Variants in KMT2E observed in about 807,000 individuals in gnomAD.
The protein encoded by KMT2E is lysine methyltransferase 2E (inactive), also known as histone reader KMT2E.
Under a neutral mutation model 184.6 loss-of-function variants are expected in KMT2E, and 30 were observed. That is an observed-to-expected ratio of 0.16 (90% CI 0.12 to 0.22). The LOEUF (loss-of-function observed/expected upper bound fraction) is 0.22, where lower values mean the gene tolerates loss of function less well. Ranked by LOEUF, KMT2E falls within the 10% of genes least tolerant of loss-of-function variation. The pLI, the probability that KMT2E is intolerant of heterozygous loss-of-function variation, is 1.00. For synonymous variants in KMT2E, 815 were observed against 776.5 expected (o/e 1.05, Z -0.82); for missense variants, 2,023 against 2,237.4 (o/e 0.90, Z 1.93).
chr7:105,083,512 C>T (rs1797840024), intron 13 of KMT2E, among the ~76,000 whole-genome samples: 1 of 152,168 alleles, frequency 6.6e-6, no homozygotes, highest in Admixed American at 6.5e-5. Context: ...GGTTCTCCTC[C>T]AGGTTTTCTT....
At chr7:105,015,989 G>T (rs997181526) in intron 1 of KMT2E, among the ~76,000 whole-genome samples, 2 of 151,340 alleles carry the variant, frequency 1.3e-5, no homozygotes, top group African/African-American at 4.9e-5. Context: ...AATTATTTGG[G>T]TACCAATAAT....
At chr7:105,028,049 T>C (rs1321315556) in intron 1 of KMT2E, among the ~76,000 whole-genome samples, 1 of 150,614 alleles carries the variant, frequency 6.6e-6, no homozygotes, top group Non-Finnish European at 1.5e-5. Context: ...AATTTTTGTA[T>C]ATTCTAAGAG....
At chr7:105,026,514 C>G (rs918367093) in intron 1 of KMT2E, among the ~76,000 whole-genome samples, 3 of 152,212 alleles carry the variant, frequency 2.0e-5, no homozygotes, top group Admixed American at 2.0e-4. Flanking sequence ...CTTGCACATA[C>G]TGCTTCCTAA....
intron 13 of KMT2E, 129 bp from the exon 14 acceptor site, chr7:105,089,880 C>G: frequency 7.5e-7 from 1 of 1,335,274 alleles, no homozygotes; most frequent in Non-Finnish European, 1.0e-6. Context: ...ATGTAAATTA[C>G]TAAAAAGGAT....
At position 105,090,261 on chromosome 7, in the gene KMT2E, A is replaced by G. The variant is rs1160810717; in HGVS notation, c.1611A>G (p.Val537=). 1 of 1,588,492 alleles carries G rather than the reference A, an allele frequency of 6.3e-7. No individual in the cohort carries two copies. The highest frequency in any genetic ancestry group is 1.4e-5 in the African/African-American group (1 of 72,888). ...QRKLSPLRLS[V]SNNQEPDFID... is the part of the protein sequence containing the mutation. ...AGCTTTCTCCACTGAGACTATCAGTATCAAATAATCAGGTACTGAACTCTG... is the reference window on the plus strand; with the variant it reads ...AGCTTTCTCCACTGAGACTATCAGTGTCAAATAATCAGGTACTGAACTCTG... The change falls in exon 14 of 27, where the codon GTA becomes GTG. Residue 537 remains valine (V), a synonymous_variant. Coordinates refer to ENST00000311117, the MANE Select transcript of KMT2E (RefSeq NM_182931.3).
chr7:105,052,360 T>C (rs1354058328), intron 3 of KMT2E, among the ~76,000 whole-genome samples: 3 of 152,190 alleles, frequency 2.0e-5, no homozygotes, highest in African/African-American at 7.2e-5. Flanking sequence ...TTATCTAAAA[T>C]AGTATCTGAA....
At chr7:105,088,442 TTC>T (rs1173293782) in intron 13 of KMT2E, among the ~76,000 whole-genome samples, 1 of 152,256 alleles carries the variant, frequency 6.6e-6, no homozygotes, top group East Asian at 1.9e-4. Context: ...ATTTGAATCT[TTC>T]TAGCAGTTTT....
At chr7:105,015,660 C>G (rs1562869504) in intron 1 of KMT2E, among the ~76,000 whole-genome samples, 1 of 151,996 alleles carries the variant, frequency 6.6e-6, no homozygotes, top group Non-Finnish European at 1.5e-5. Flanking sequence ...TTGTCCTTTA[C>G]AGATTCTAAA....
intron 3 of KMT2E, among the ~76,000 whole-genome samples, chr7:105,060,016 A>G (rs1430935037): frequency 4.9e-5 from 3 of 60,642 alleles, no homozygotes; most frequent in African/African-American, 1.7e-4. Context: ...TTTTTTGGAG[A>G]CAGAGTCTTA....
intron 13 of KMT2E, among the ~76,000 whole-genome samples, chr7:105,082,394 G>A (rs1797792602): frequency 1.3e-5 from 2 of 152,314 alleles, no homozygotes; most frequent in South Asian, 4.1e-4. Context: ...GCCTACGGTT[G>A]ACTGGAAGTG....
At chr7:105,068,889 TA>T (rs1797166132) in intron 6 of KMT2E, among the ~76,000 whole-genome samples, 1 of 152,174 alleles carries the variant, frequency 6.6e-6, no homozygotes. Flanking sequence ...AATGAAAAAT[TA>T]AGTATCATTG....
At chr7:105,061,953 A>T in intron 3 of KMT2E, 1 of 382,526 alleles carries the variant, frequency 2.6e-6, no homozygotes, top group Non-Finnish European at 4.6e-6. Context: ...TTGAAATTGG[A>T]TTGGGACATT....
intron 2 of KMT2E, among the ~76,000 whole-genome samples, chr7:105,039,678 T>A (rs1275249568): frequency 6.6e-6 from 1 of 152,224 alleles, no homozygotes; most frequent in Non-Finnish European, 1.5e-5. Flanking sequence ...CCTTGAACTT[T>A]TAAACTATGT....
At chr7:105,103,827 CTTT>C (rs66584948) in intron 17 of KMT2E, 8 of 117,588 alleles carry the variant, frequency 6.8e-5, no homozygotes, top group Middle Eastern at 4.3e-3. Flanking sequence ...TTTTCTTTTT[CTTT>C]TTTTTTTTTT....
chr7:105,103,075 C>A (rs1798724921), intron 17 of KMT2E: 1 of 152,146 alleles, frequency 6.6e-6, no homozygotes, highest in South Asian at 2.1e-4. Flanking sequence ...ACCGCCATAG[C>A]TTAAGCAACC....
intron 5 of KMT2E, 152 bp from the exon 6 acceptor site, chr7:105,066,575 G>A (rs1400382446): frequency 2.9e-5 from 16 of 552,276 alleles, no homozygotes; most frequent in Non-Finnish European, 4.8e-5. Flanking sequence ...TTATCGCCTT[G>A]AAGACACGTT....
intron 3 of KMT2E, among the ~76,000 whole-genome samples, chr7:105,058,251 T>C (rs1387078490): frequency 1.3e-5 from 2 of 152,186 alleles, no homozygotes; most frequent in East Asian, 3.8e-4. Context: ...CTTTTCAGTA[T>C]GATATTTTAT....
At position 105,109,166 on chromosome 7, in the gene KMT2E, T is replaced by C. The variant is rs987381504; in HGVS notation, c.3693T>C (p.Thr1231=). ...ATVYNATSEE[T]SNNCPVKDAT... The stretch of plus-strand genomic sequence containing the variant: ...TTTATAATGCCACTTCTGAAGAAAC[T>C]AGCAATAACTGCCCTGTTAAGGATG... Residue 1231 remains threonine (T), a synonymous_variant, in exon 23 of 27, where the codon ACT becomes ACC. Coordinates refer to ENST00000311117, the MANE Select transcript of KMT2E (RefSeq NM_182931.3). The C allele has an allele frequency of 6.2e-7, 1 of 1,614,092 alleles. No individual in the cohort carries two copies. The highest frequency in any genetic ancestry group is 8.5e-7 in the Non-Finnish European group (1 of 1,179,994).
intron 3 of KMT2E, among the ~76,000 whole-genome samples, chr7:105,057,348 T>G (rs1796608808): frequency 6.6e-6 from 1 of 152,228 alleles, no homozygotes; most frequent in Admixed American, 6.5e-5. Context: ...CATGACAGTA[T>G]GTAAAACAGA....
Sources: gnomAD v4.1 joint callset for allele counts (sites outside exome capture counted in the v4.1 genomes callset) on GRCh38, gnomAD v4.1.1 for gene constraint, MANE v1.5 for transcripts, NCBI Gene and HGNC (gene_info 2026-07-23, HGNC 2026-07-21) for gene names.